Variants in DPY19L1 observed in about 807,000 individuals in gnomAD.
DPY19L1 encodes protein C-mannosyl-transferase DPY19L1.
Under a neutral mutation model 96.9 loss-of-function variants are expected in DPY19L1, and 35 were observed. The ratio of observed to expected loss-of-function variants is 0.36; its 90% CI spans 0.28 to 0.48. The LOEUF (loss-of-function observed/expected upper bound fraction) is 0.48. DPY19L1 is among the 20% of genes least tolerant of loss of function. The pLI is 0.99. For synonymous variants in DPY19L1, 205 were observed against 252.6 expected, an observed-to-expected ratio of 0.81 and a Z score of 1.79; for missense variants, 521 against 777.9, an observed-to-expected ratio of 0.67 and a Z score of 3.93.
chr7:35,021,613 A>G (rs1468580572), intron 1 of DPY19L1, among the ~76,000 whole-genome samples: 2 of 152,244 alleles, frequency 1.3e-5, no homozygotes, highest in African/African-American at 4.8e-5. Flanking sequence ...ATATGTACAA[A>G]TATTTCCACA....
chr7:35,018,645 A>T (rs1785917350), intron 1 of DPY19L1, 49 bp from the exon 2 acceptor site: 1 of 1,515,000 alleles, frequency 6.6e-7, no homozygotes, highest in South Asian at 1.2e-5. Context: ...AAACATGTTC[A>T]TCTTACAGAA....
intron 6 of DPY19L1, among the ~76,000 whole-genome samples, chr7:34,993,941 C>A (rs985247183): frequency 1.3e-5 from 2 of 151,982 alleles, no homozygotes; most frequent in African/African-American, 4.8e-5. Context: ...TGGCGCACAA[C>A]TGTAGTCCCA....
chr7:34,962,445 A>T (rs531074374), intron 10 of DPY19L1, among the ~76,000 whole-genome samples: 1,846 of 152,266 alleles, frequency 0.012, 10 homozygotes, highest in Middle Eastern at 0.02. Context: ...GGTTAGGGGG[A>T]AGGAGGGATG....
intron 18 of DPY19L1, among the ~76,000 whole-genome samples, chr7:34,941,237 G>A (rs1784006820): frequency 6.6e-6 from 1 of 152,104 alleles, no homozygotes; most frequent in African/African-American, 2.4e-5. Context: ...GTGACACTAT[G>A]GAGAAGCATA....
At chr7:34,995,813 T>C (rs1785269406) in intron 6 of DPY19L1, among the ~76,000 whole-genome samples, 1 of 149,200 alleles carries the variant, frequency 6.7e-6, no homozygotes, top group African/African-American at 2.5e-5. Flanking sequence ...TTTCCAATCT[T>C]AAATTGGAGA....
chr7:34,973,744 T>C (rs188667164), intron 7 of DPY19L1, 139 bp from the exon 8 acceptor site: 2 of 410,754 alleles, frequency 4.9e-6, no homozygotes, highest in African/African-American at 2.1e-5. Context: ...TGGACTTTAT[T>C]CCATAAACAG....
intron 11 of DPY19L1, 73 bp downstream of exon 11, chr7:34,957,911 C>A (rs1482845920): frequency 1.0e-6 from 1 of 974,284 alleles, no homozygotes; most frequent in Non-Finnish European, 1.5e-6. Flanking sequence ...CTGATGAATC[C>A]TAAGCCAGTG....
At chr7:34,950,187 C>T (rs188507729) in intron 13 of DPY19L1, among the ~76,000 whole-genome samples, 7 of 152,256 alleles carry the variant, frequency 4.6e-5, no homozygotes, top group African/African-American at 1.7e-4. Flanking sequence ...TGAAACAGGC[C>T]GCACAGCATC....
intron 10 of DPY19L1, among the ~76,000 whole-genome samples, chr7:34,960,732 T>C (rs894607933): frequency 2.0e-5 from 3 of 152,184 alleles, no homozygotes; most frequent in African/African-American, 7.2e-5. Flanking sequence ...GATACTAGTT[T>C]TTCTTTTGAG....
chr7:35,018,031 T>A, intron 2 of DPY19L1, 62 bp from the exon 3 acceptor site: 1 of 1,277,626 alleles, frequency 7.8e-7, no homozygotes, highest in Non-Finnish European at 1.1e-6. Context: ...TTTTTTAAAG[T>A]AAGCTAAAAG....
chr7:34,944,386 A>G (rs1350732479), intron 16 of DPY19L1, among the ~76,000 whole-genome samples: 1 of 138,332 alleles, frequency 7.2e-6, no homozygotes, highest in Non-Finnish European at 1.6e-5. Context: ...AAAAAAAAAG[A>G]AAAATTAAAA....
intron 8 of DPY19L1, among the ~76,000 whole-genome samples, 153 bp downstream of exon 8, chr7:34,973,361 A>G (rs1329109338): frequency 1.3e-5 from 2 of 152,194 alleles, no homozygotes; most frequent in Non-Finnish European, 2.9e-5. Context: ...AATGTTTTTG[A>G]TACTATTTTT....
chr7:34,975,088 G>A (rs1343556666), intron 7 of DPY19L1, among the ~76,000 whole-genome samples: 1 of 151,954 alleles, frequency 6.6e-6, no homozygotes, highest in Non-Finnish European at 1.5e-5. Context: ...TTAAAATTAG[G>A]AAAATTAATA....
chr7:34,938,186 A>C, intron 20 of DPY19L1, 67 bp from the exon 21 acceptor site: 1 of 1,509,810 alleles, frequency 6.6e-7, no homozygotes. Flanking sequence ...CATTTGGAAG[A>C]AAGCACTGAA....
intron 4 of DPY19L1, among the ~76,000 whole-genome samples, chr7:35,012,176 T>A (rs890936750): frequency 6.6e-6 from 1 of 152,120 alleles, no homozygotes; most frequent in Admixed American, 6.5e-5. Context: ...GACCGACTAG[T>A]CAATAGGGAA....
intron 14 of DPY19L1, among the ~76,000 whole-genome samples, chr7:34,948,833 A>G (rs1784208573): frequency 6.6e-6 from 1 of 152,248 alleles, no homozygotes; most frequent in Non-Finnish European, 1.5e-5. Context: ...CATTTGCCGG[A>G]ACACAATAAA....
intron 6 of DPY19L1, among the ~76,000 whole-genome samples, chr7:35,003,796 C>T (rs1472887390): frequency 6.6e-6 from 1 of 152,264 alleles, no homozygotes; most frequent in Non-Finnish European, 1.5e-5. Flanking sequence ...AAAAGAAGCC[C>T]TTCACACACC....
At chr7:34,978,092 ATTAAC>A (rs1454360258) in intron 7 of DPY19L1, among the ~76,000 whole-genome samples, 2 of 152,146 alleles carry the variant, frequency 1.3e-5, no homozygotes, top group African/African-American at 2.4e-5. Flanking sequence ...TTTTCAAACT[ATTAAC>A]TTATAATATT....
Position 34,941,847 on chromosome 7 carries a change from G to A in DPY19L1, c.1607C>T (p.Ala536Val). The stretch of plus-strand genomic sequence containing the variant: ...TAGTCTCATAATTAAAATACCAAGG[G>A]CTGTATATGCTAACAATTGCAATGC... Reference protein sequence around the residue: ...YHALQLLAYTALGILIMRLKL... With the variant: ...YHALQLLAYTVLGILIMRLKL... The change falls in exon 18 of 22, where the codon GCC becomes GTC. Residue 536 changes from alanine (A) to valine (V), a missense_variant. Coordinates refer to ENST00000638088, the MANE Select transcript of DPY19L1 (RefSeq NM_001366673.1). 1.3e-6 allele frequency: 2 copies of A among 1,574,336 alleles called. No individual in the cohort carries two copies. Among genetic ancestry groups the A allele is most frequent in the Non-Finnish European group, 1.7e-6 (2 of 1,161,016 alleles).
Sources: gnomAD v4.1 joint callset for allele counts (sites outside exome capture counted in the v4.1 genomes callset) on GRCh38, gnomAD v4.1.1 for gene constraint, MANE v1.5 for transcripts, NCBI Gene and HGNC (gene_info 2026-07-23, HGNC 2026-07-21) for gene names.